Variants in ZDHHC21 observed in about 807,000 individuals in gnomAD.
ZDHHC21 encodes palmitoyltransferase ZDHHC21.
ZDHHC21 carries 15 observed loss-of-function variants against 34.6 expected under a neutral mutation model. That is an observed-to-expected ratio of 0.43 (90% CI 0.29 to 0.67). The LOEUF is 0.67. Among genes scored for constraint, ZDHHC21 ranks in the 30% least tolerant of loss-of-function variants. ZDHHC21 has a pLI of 0.14. For missense variants in ZDHHC21, 344 were observed against 327.7 expected (o/e 1.05, Z -0.38); for synonymous variants, 142 against 101.8 (o/e 1.40, Z -2.38).
Position 14,616,160 on chromosome 9 carries a change from A to G in ZDHHC21, c.*2806T>C, listed in dbSNP as rs1001807945. 4.0e-5 allele frequency: 6 copies of G among 151,784 alleles called. No homozygotes were observed. Among genetic ancestry groups the G allele is most frequent in the African/African-American group, 1.4e-4 (6 of 41,418 alleles). 9.4% of individuals were successfully genotyped at this position (151,784 alleles called of 1,614,324 possible). On this transcript the variant is annotated 3_prime_UTR_variant, in exon 10 of 10. Transcript: ENST00000380916. ...TGTAGTTTTTTAGATATTCATTAAA[A>G]CACAGAAAATGCTTGGTTGTCTTTG...
At chr9:14,684,293 T>G (rs528883775) in intron 2 of ZDHHC21, among the ~76,000 whole-genome samples, 204 of 151,670 alleles carry the variant, frequency 1.3e-3, no homozygotes, top group African/African-American at 4.9e-3. Context: ...GATTGTGTAT[T>G]TAGAAAACCC....
intron 3 of ZDHHC21, among the ~76,000 whole-genome samples, chr9:14,674,815 C>G (rs1205395311): frequency 1.3e-5 from 2 of 151,994 alleles, no homozygotes; most frequent in South Asian, 2.1e-4. Context: ...CAAGTCAAAA[C>G]AGTGGTTACC....
At chr9:14,622,689 C>G in intron 8 of ZDHHC21, 1 of 985,078 alleles carries the variant, frequency 1.0e-6, no homozygotes, top group Non-Finnish European at 1.2e-6. Flanking sequence ...TCCTTTGGCA[C>G]ACCTGACAAT....
At chr9:14,669,506 T>A (rs1380405522) in intron 5 of ZDHHC21, among the ~76,000 whole-genome samples, 4 of 151,700 alleles carry the variant, frequency 2.6e-5, no homozygotes, top group African/African-American at 9.7e-5. Flanking sequence ...TTACTGGGTA[T>A]ATACCCAAAA....
At chr9:14,654,613 G>A (rs779672315) in intron 7 of ZDHHC21, among the ~76,000 whole-genome samples, 8 of 151,890 alleles carry the variant, frequency 5.3e-5, no homozygotes, top group African/African-American at 1.5e-4. Flanking sequence ...TGATTAACAC[G>A]TTTAAAAAAA....
intron 1 of ZDHHC21, among the ~76,000 whole-genome samples, chr9:14,692,997 T>C (rs1323077239): frequency 1.3e-5 from 2 of 151,836 alleles, no homozygotes; most frequent in South Asian, 4.2e-4. Context: ...GCTGTAGCTC[T>C]AGCAGAAGAC....
At chr9:14,668,615 C>T (rs1044699251) in intron 5 of ZDHHC21, among the ~76,000 whole-genome samples, 6 of 151,750 alleles carry the variant, frequency 4.0e-5, no homozygotes, top group Non-Finnish European at 8.8e-5. Context: ...AACAAGGCTA[C>T]AGTAACCAAA....
chr9:14,594,979 C>G, the ZDHHC21 span, among the ~76,000 whole-genome samples: 1 of 152,056 alleles, frequency 6.6e-6, no homozygotes, highest in Non-Finnish European at 1.5e-5. Flanking sequence ...CAATGAAATG[C>G]CACTACATAT....
At chr9:14,687,160 T>C (rs1244728811) in intron 2 of ZDHHC21, among the ~76,000 whole-genome samples, 2 of 150,850 alleles carry the variant, frequency 1.3e-5, no homozygotes, top group South Asian at 2.1e-4. Context: ...AGCAAAATAG[T>C]AGTTTCTGTC....
At chr9:14,685,387 G>A (rs1838145950) in intron 2 of ZDHHC21, among the ~76,000 whole-genome samples, 1 of 151,326 alleles carries the variant, frequency 6.6e-6, no homozygotes, top group African/African-American at 2.4e-5. Flanking sequence ...TCAAAAAGTG[G>A]GCAAAGGATA....
intron 2 of ZDHHC21, among the ~76,000 whole-genome samples, chr9:14,687,568 G>A (rs910110573): frequency 1.3e-5 from 2 of 150,802 alleles, no homozygotes; most frequent in Admixed American, 6.6e-5. Flanking sequence ...CTACTCGGGA[G>A]GCTGAGGCAC....
intron 3 of ZDHHC21, among the ~76,000 whole-genome samples, chr9:14,679,478 G>A (rs1836993771): frequency 6.6e-6 from 1 of 152,126 alleles, no homozygotes; most frequent in African/African-American, 2.4e-5. Context: ...AGTAATTTCT[G>A]CACAAGTGCA....
In ZDHHC21 at chr9:14,672,444, T is replaced by C. The variant is rs369165901; in HGVS notation, c.253+386A>G. Among the ~76,000 whole-genome samples the C allele has an allele frequency of 7.9e-5, 12 of 152,176 alleles. No homozygotes were observed. In the South Asian group the frequency reaches 2.5e-3, roughly 32 times the overall value. ...AGGTGAATAAAAAGCTAAAATTATC[T>C]CTGTACATAGATCCATGGTAATAAG... is the stretch of plus-strand genomic sequence containing the variant. On this transcript the variant is annotated intron_variant, in intron 5 of 9. Transcript: ENST00000380916.
intron 8 of ZDHHC21, chr9:14,622,766 G>T (rs1825527179): frequency 2.0e-6 from 2 of 983,062 alleles, no homozygotes; most frequent in South Asian, 9.4e-5. Flanking sequence ...AAGAGCCATT[G>T]CCTCTGGACC....
intron 2 of ZDHHC21, 89 bp downstream of exon 2, chr9:14,690,245 TAGA>T (rs1041540166): frequency 2.4e-6 from 1 of 418,608 alleles, no homozygotes; most frequent in Non-Finnish European, 4.7e-6. Flanking sequence ...GGGTTGGGGG[TAGA>T]AGACTAAATT....
chr9:14,618,277 T>C lies in ZDHHC21; in HGVS notation c.*689A>G, dbSNP rs1824636974. 6.6e-6 allele frequency: 1 copy of C among 152,498 alleles called. No homozygotes were observed. The highest frequency in any genetic ancestry group is 1.5e-5 in the Non-Finnish European group (1 of 67,998). 9.4% of individuals were successfully genotyped at this position (152,498 alleles called of 1,614,324 possible). A position where few individuals can be genotyped will look rare whatever the true frequency, so the allele number is the denominator to read the frequency against. On this transcript the variant is annotated 3_prime_UTR_variant, in exon 10 of 10. Transcript: ENST00000380916. ...CAGTAATAGTGAAAATTGAAAAAAT[T>C]ATTGTGAAAAAAATTTTAACATTTC... is the stretch of plus-strand genomic sequence containing the variant.
chr9:14,601,714 C>A, the ZDHHC21 span, among the ~76,000 whole-genome samples: 1 of 152,108 alleles, frequency 6.6e-6, no homozygotes, highest in Admixed American at 6.5e-5. Context: ...TACTGCAGTA[C>A]AATTCATAAT....
At chr9:14,635,216 T>C (rs1260024695) in intron 8 of ZDHHC21, among the ~76,000 whole-genome samples, 1 of 152,152 alleles carries the variant, frequency 6.6e-6, no homozygotes, top group Non-Finnish European at 1.5e-5. Context: ...CTTTAATTTG[T>C]AATGTCCCAG....
chr9:14,677,521 C>T (rs575015674), intron 3 of ZDHHC21: 6 of 151,944 alleles, frequency 3.9e-5, no homozygotes, highest in Non-Finnish European at 5.9e-5. Context: ...TGCTGTTACT[C>T]GGTCTTAAGG....
Sources: allele counts gnomAD v4.1 joint callset (sites outside exome capture counted in the v4.1 genomes callset), GRCh38; gene constraint gnomAD v4.1.1; transcripts MANE v1.5; gene names NCBI Gene and HGNC (gene_info 2026-07-23, HGNC 2026-07-21).